Variants in ANKRD12 observed in about 807,000 individuals in gnomAD.
ANKRD12 encodes the protein ankyrin repeat domain-containing protein 12.
ANKRD12 carries 85 observed loss-of-function variants against 183.4 expected under a neutral mutation model. That is an observed-to-expected ratio of 0.46 (90% CI 0.39 to 0.56). ANKRD12 has a LOEUF of 0.56. Ranked by LOEUF, ANKRD12 falls within the 20% of genes least tolerant of loss-of-function variation. The probability of loss-of-function intolerance (pLI) is 0.00; values close to 1 mark genes in which losing one functional copy is unlikely to be tolerated. For synonymous variants in ANKRD12, 914 were observed against 800.2 expected (o/e 1.14, Z -2.40); for missense variants, 2,405 against 2,357.1 (o/e 1.02, Z -0.42).
chr18:9,190,804 T>C (rs2034404726), intron 2 of ANKRD12, among the ~76,000 whole-genome samples: 1 of 152,212 alleles, frequency 6.6e-6, no homozygotes, highest in Non-Finnish European at 1.5e-5. Context: ...TTAGACATGA[T>C]AGTATTGCAC....
rs537455260 is a variant in ANKRD12 at position 9,173,905 on chromosome 18, G to C, written c.-51-8477G>C. 2.2e-4 allele frequency among the ~76,000 whole-genome samples: 34 copies of C among 152,294 alleles called. No homozygotes were observed. In the South Asian group the frequency reaches 6.4e-3, roughly 29 times the overall value. On this transcript the variant is annotated intron_variant, in intron 1 of 12. Transcript: ENST00000262126. ...TAAAAAAATAATAAGAAGAAGAAAG[G>C]CTTAGTCAACTGAACCGCAGAGACA...
intron 1 of ANKRD12, among the ~76,000 whole-genome samples, chr18:9,137,357 C>T (rs970771090): frequency 4.1e-5 from 6 of 146,534 alleles, no homozygotes; most frequent in Non-Finnish European, 1.5e-5. Context: ...GGGCGCCCCT[C>T]ACCGCGGCTG....
chr18:9,244,010 TA>T (rs1185352326), intron 8 of ANKRD12, among the ~76,000 whole-genome samples: 1 of 152,050 alleles, frequency 6.6e-6, no homozygotes, highest in Non-Finnish European at 1.5e-5. Flanking sequence ...GCCAGGCTAC[TA>T]TAATCTCAGC....
In ANKRD12 at chr18:9,285,293, T is replaced by C. The variant is rs2040197339; in HGVS notation, c.*4167T>C. 6.6e-6 allele frequency: 1 copy of C among 151,144 alleles called. No homozygotes were observed. The highest frequency in any genetic ancestry group is 1.5e-5 in the Non-Finnish European group (1 of 67,826). The allele number at this position is 151,144 out of a possible 1,614,324, so 9.4% of individuals were successfully genotyped here. ...TAAAAATACAAAAATTAGCCAAGCG[T>C]GACGGTGCCTGCCTGTAGTCCTAGC... On this transcript the variant is annotated 3_prime_UTR_variant, in exon 13 of 13. Coordinates refer to ENST00000262126, the MANE Select transcript of ANKRD12 (RefSeq NM_015208.5).
rs2040161938 is a variant in ANKRD12, at chr18:9,283,190, T to C, written c.*2064T>C. On this transcript the variant is annotated 3_prime_UTR_variant, in exon 13 of 13. Coordinates refer to ENST00000262126, the MANE Select transcript of ANKRD12 (RefSeq NM_015208.5). The stretch of plus-strand genomic sequence containing the variant: ...TTATAGAAAATCAGAGAGGGGTAAG[T>C]TTATAGGGCATTTTGTTCTGATGGT... 6.6e-6 allele frequency: 1 copy of C among 152,062 alleles called. No homozygotes were observed. The highest frequency in any genetic ancestry group is 2.4e-5 in the African/African-American group (1 of 41,402). The allele number at this position is 152,062 out of a possible 1,614,324, so 9.4% of individuals were successfully genotyped here. A position where few individuals can be genotyped will look rare whatever the true frequency, so the allele number is the denominator to read the frequency against.
At chr18:9,186,808 G>A (rs1467546942) in intron 2 of ANKRD12, among the ~76,000 whole-genome samples, 2 of 148,114 alleles carry the variant, frequency 1.4e-5, no homozygotes, top group Non-Finnish European at 3.0e-5. Context: ...CCGGAGTGGA[G>A]TGGCGCGATC....
intron 2 of ANKRD12, among the ~76,000 whole-genome samples, chr18:9,187,294 T>C (rs898384758): frequency 1.1e-4 from 16 of 152,178 alleles, no homozygotes; most frequent in Admixed American, 2.0e-4. Flanking sequence ...GATACACAGC[T>C]GTATTCCTAG....
In ANKRD12 at chr18:9,258,938, A is replaced by G; in HGVS notation, c.5664+7A>G. On this transcript the variant is annotated splice_region_variant and intron_variant, in intron 9 of 12. Transcript: ENST00000262126. ...CAAGATTTGTATTCCCACAGTAAGT[A>G]ACATCATCACTTGCTATACACCTGT... The G allele has an allele frequency of 6.3e-7, 1 of 1,593,674 alleles. No homozygotes were observed. The highest frequency in any genetic ancestry group is 8.5e-7 in the Non-Finnish European group (1 of 1,169,778).
chr18:9,275,603 T>G lies in ANKRD12; in HGVS notation c.5843T>G (p.Leu1948Arg). The G allele has an allele frequency of 6.2e-7, 1 of 1,610,146 alleles. No homozygotes were observed. Among genetic ancestry groups the G allele is most frequent in the Non-Finnish European group, 8.5e-7 (1 of 1,176,998 alleles). The change falls in exon 11 of 13, where the codon CTG becomes CGG. Residue 1948 changes from leucine (L) to arginine (R), a missense_variant. By Grantham distance (102) the Leu-to-Arg change is moderately radical. Coordinates refer to ENST00000262126, the MANE Select transcript of ANKRD12 (RefSeq NM_015208.5). Reference protein sequence around the residue: ...RAARTLANQTLPFSACTVLLD... With the variant: ...RAARTLANQTRPFSACTVLLD... ...GCAAGAACATTGGCAAATCAAACAC[T>G]GCCATTTAGTGCTTGTACTGTTTTG...
intron 3 of ANKRD12, among the ~76,000 whole-genome samples, chr18:9,199,930 C>T (rs1247945021): frequency 6.6e-6 from 1 of 152,070 alleles, no homozygotes; most frequent in Non-Finnish European, 1.5e-5. Flanking sequence ...TTACTTCCTT[C>T]TTGGTCCTTT....
At chr18:9,203,236 G>C (rs1414773741) in intron 3 of ANKRD12, among the ~76,000 whole-genome samples, 1 of 152,118 alleles carries the variant, frequency 6.6e-6, no homozygotes, top group East Asian at 1.9e-4. Flanking sequence ...TGTTATTGAT[G>C]ATTCCTCTTT....
At chr18:9,161,120 G>A (rs1180910614) in intron 1 of ANKRD12, among the ~76,000 whole-genome samples, 1 of 151,816 alleles carries the variant, frequency 6.6e-6, no homozygotes, top group Non-Finnish European at 1.5e-5. Flanking sequence ...TGTTGTTGTT[G>A]TTGTTTTCCT....
chr18:9,183,956 G>GT (rs2033875273), intron 2 of ANKRD12, among the ~76,000 whole-genome samples: 1 of 151,798 alleles, frequency 6.6e-6, no homozygotes, highest in African/African-American at 2.4e-5. Context: ...TTTTTAAACT[G>GT]TTTTTTGATG....
At chr18:9,218,829 G>C (rs1056779780) in intron 7 of ANKRD12, among the ~76,000 whole-genome samples, 10 of 151,776 alleles carry the variant, frequency 6.6e-5, no homozygotes, top group African/African-American at 2.2e-4. Flanking sequence ...CACCATGCTA[G>C]GCTAATTTTT....
chr18:9,144,653 C>T (rs2143419124), intron 1 of ANKRD12, among the ~76,000 whole-genome samples: 1 of 152,248 alleles, frequency 6.6e-6, no homozygotes, highest in African/African-American at 2.4e-5. Context: ...TCCACATATA[C>T]TTGCAAAAAT....
Position 9,257,599 on chromosome 18 carries a change from A to G in ANKRD12, c.4332A>G (p.Gln1444=), listed in dbSNP as rs1455853074. 2.5e-6 allele frequency: 4 copies of G among 1,614,120 alleles called. No individual in the cohort carries two copies. In the South Asian group the frequency reaches 3.3e-5, roughly 13 times the overall value. The change falls in exon 9 of 13, where the codon CAA becomes CAG. Residue 1444 remains glutamine, a synonymous_variant. Transcript: ENST00000262126. The stretch of plus-strand genomic sequence containing the variant: ...GCCCAAATTCTAACATACCTGATCA[A>G]GAATCCTCTCTTCAGAGTTTTTGTA... ...FICPNSNIPD[Q]ESSLQSFCNS... is the part of the protein sequence containing the mutation.
chr18:9,264,703 A>G (rs987044532), intron 10 of ANKRD12, among the ~76,000 whole-genome samples: 6 of 152,254 alleles, frequency 3.9e-5, no homozygotes, highest in African/African-American at 1.4e-4. Flanking sequence ...CCCATTGACA[A>G]TGAGCAATTT....
At chr18:9,163,039 A>T (rs2031636262) in intron 1 of ANKRD12, among the ~76,000 whole-genome samples, 1 of 152,026 alleles carries the variant, frequency 6.6e-6, no homozygotes, top group African/African-American at 2.4e-5. Context: ...GAAGCTCCTT[A>T]GTTTAATTAG....
intron 1 of ANKRD12, among the ~76,000 whole-genome samples, chr18:9,162,757 A>G (rs990059028): frequency 6.6e-6 from 1 of 151,880 alleles, no homozygotes; most frequent in African/African-American, 2.4e-5. Context: ...CTGGCATGAG[A>G]TGGTATCTCA....
Sources: allele counts gnomAD v4.1 joint callset (sites outside exome capture counted in the v4.1 genomes callset), GRCh38; gene constraint gnomAD v4.1.1; transcripts MANE v1.5; gene names NCBI Gene and HGNC (gene_info 2026-07-23, HGNC 2026-07-21).